Variants in NALF1 observed in about 807,000 individuals in gnomAD.
The protein encoded by NALF1 is family with sequence similarity 155 member A.
Under a neutral mutation model 48.4 loss-of-function variants are expected in NALF1, and 3 were observed. The ratio of observed to expected loss-of-function variants is 0.06; its 90% CI spans 0.03 to 0.16. The LOEUF (loss-of-function observed/expected upper bound fraction) is 0.16. Among genes scored for constraint, NALF1 ranks in the 10% least tolerant of loss-of-function variants. The pLI, the probability that NALF1 is intolerant of heterozygous loss-of-function variation, is 1.00. For synonymous variants in NALF1, 262 were observed against 245.7 expected, an observed-to-expected ratio of 1.07 and a Z score of -0.62; for missense variants, 526 against 571.5, an observed-to-expected ratio of 0.92 and a Z score of 0.81.
At chr13:107,290,063 C>T (rs1881583331) in intron 1 of NALF1, among the ~76,000 whole-genome samples, 1 of 151,492 alleles carries the variant, frequency 6.6e-6, no homozygotes, top group South Asian at 2.1e-4. Context: ...TCAATGGGTG[C>T]TTGGACTTAG....
chr13:107,541,072 A>T (rs1048500697), intron 1 of NALF1, among the ~76,000 whole-genome samples: 1 of 152,160 alleles, frequency 6.6e-6, no homozygotes, highest in Non-Finnish European at 1.5e-5. Flanking sequence ...ATAAACAAAA[A>T]CTGAAAAGCA....
intron 1 of NALF1, among the ~76,000 whole-genome samples, chr13:107,287,235 C>CAT (rs1881513602): frequency 6.6e-6 from 1 of 152,206 alleles, no homozygotes; most frequent in Non-Finnish European, 1.5e-5. Flanking sequence ...GTTGGGAAAA[C>CAT]TGATGAGGTA....
chr13:107,230,183 A>G (rs963626128), intron 1 of NALF1, among the ~76,000 whole-genome samples: 3 of 152,234 alleles, frequency 2.0e-5, no homozygotes, highest in African/African-American at 7.2e-5. Flanking sequence ...TATTAAGTTG[A>G]GCCATATGAA....
chr13:107,600,945 C>T (rs768726726), intron 1 of NALF1, among the ~76,000 whole-genome samples: 3 of 152,122 alleles, frequency 2.0e-5, no homozygotes, highest in Non-Finnish European at 2.9e-5. Context: ...TGGGTCAGGG[C>T]AATCCCAGAG....
At chr13:107,472,521 G>A (rs1421145684) in intron 1 of NALF1, among the ~76,000 whole-genome samples, 1 of 152,130 alleles carries the variant, frequency 6.6e-6, no homozygotes, top group Non-Finnish European at 1.5e-5. Context: ...CAGGTTGAGG[G>A]TGGGTGCCAT....
chr13:107,383,214 A>G (rs1269521640), intron 1 of NALF1, among the ~76,000 whole-genome samples: 1 of 152,228 alleles, frequency 6.6e-6, no homozygotes, highest in Non-Finnish European at 1.5e-5. Context: ...TGAAGGTATT[A>G]TGTGATTGAT....
intron 1 of NALF1, among the ~76,000 whole-genome samples, chr13:107,322,958 T>C (rs1358836894): frequency 6.6e-6 from 1 of 152,184 alleles, no homozygotes; most frequent in Non-Finnish European, 1.5e-5. Flanking sequence ...CACACCTGGA[T>C]ATACCCAGAG....
chr13:107,644,359 T>C (rs1169446378), intron 1 of NALF1, among the ~76,000 whole-genome samples: 1 of 151,606 alleles, frequency 6.6e-6, no homozygotes, highest in Non-Finnish European at 1.5e-5. Context: ...TTACTTCCCA[T>C]TTTCACAATA....
chr13:107,460,343 T>C (rs1246678854), intron 1 of NALF1, among the ~76,000 whole-genome samples: 1 of 152,220 alleles, frequency 6.6e-6, no homozygotes, highest in Non-Finnish European at 1.5e-5. Context: ...ACGAGGGTTA[T>C]CTACTCTTTA....
intron 1 of NALF1, among the ~76,000 whole-genome samples, chr13:107,675,579 C>T (rs1247430986): frequency 6.6e-6 from 1 of 152,100 alleles, no homozygotes. Flanking sequence ...GTTTTTGTTT[C>T]ATTAAATGAT....
chr13:107,316,130 G>T (rs966264141), intron 1 of NALF1, among the ~76,000 whole-genome samples: 1 of 151,800 alleles, frequency 6.6e-6, no homozygotes, highest in Non-Finnish European at 1.5e-5. Flanking sequence ...TCCCACCAAC[G>T]AGCGAGAACA....
chr13:107,333,053 C>T (rs7489839), intron 1 of NALF1, among the ~76,000 whole-genome samples: 63,798 of 151,734 alleles, frequency 0.42, 14,858 homozygotes, highest in Middle Eastern at 0.55. Flanking sequence ...ACCATGTTGG[C>T]CAGGCTGGTC....
At chr13:107,830,868 T>C (rs1798819243) in intron 1 of NALF1, among the ~76,000 whole-genome samples, 1 of 152,230 alleles carries the variant, frequency 6.6e-6, no homozygotes, top group Non-Finnish European at 1.5e-5. Context: ...TCATATTTAA[T>C]ATGTGGATTA....
intron 1 of NALF1, among the ~76,000 whole-genome samples, chr13:107,376,411 G>A (rs1435744824): frequency 6.6e-6 from 1 of 152,140 alleles, no homozygotes; most frequent in South Asian, 2.1e-4. Flanking sequence ...GTATTCATGG[G>A]CAGCAAACTT....
intron 1 of NALF1, among the ~76,000 whole-genome samples, chr13:107,273,792 T>C (rs1881223099): frequency 6.6e-6 from 1 of 152,192 alleles, no homozygotes; most frequent in Non-Finnish European, 1.5e-5. Flanking sequence ...TTGGCCTTTC[T>C]GAGAGAGAAG....
intron 1 of NALF1, among the ~76,000 whole-genome samples, chr13:107,695,525 T>C (rs1881678895): frequency 6.6e-6 from 1 of 152,214 alleles, no homozygotes; most frequent in African/African-American, 2.4e-5. Flanking sequence ...TGCTTATTCC[T>C]TCCTACTTAG....
intron 1 of NALF1, among the ~76,000 whole-genome samples, chr13:107,636,988 G>A (rs1329834419): frequency 6.6e-6 from 1 of 151,260 alleles, no homozygotes; most frequent in Non-Finnish European, 1.5e-5. Flanking sequence ...TTATAATGTA[G>A]CAGAAAAATT....
At chr13:107,732,220 A>T (rs1876329572) in intron 1 of NALF1, among the ~76,000 whole-genome samples, 1 of 152,002 alleles carries the variant, frequency 6.6e-6, no homozygotes, top group South Asian at 2.1e-4. Flanking sequence ...TGTATACTAC[A>T]TGCATCCTCT....
intron 1 of NALF1, among the ~76,000 whole-genome samples, chr13:107,751,937 T>C (rs1876952621): frequency 6.6e-6 from 1 of 152,092 alleles, no homozygotes; most frequent in African/African-American, 2.4e-5. Context: ...CTTATATTAA[T>C]AAAATATAAA....
Sources: gnomAD v4.1 joint callset for allele counts (sites outside exome capture counted in the v4.1 genomes callset) on GRCh38, gnomAD v4.1.1 for gene constraint, MANE v1.5 for transcripts, NCBI Gene and HGNC (gene_info 2026-07-23, HGNC 2026-07-21) for gene names.